Variants in SPECC1L observed in about 807,000 individuals in gnomAD.
SPECC1L encodes the protein sperm antigen with calponin homology and coiled-coil domains 1 like, also known as cytospin-A.
A neutral mutation model predicts 116.8 loss-of-function variants in SPECC1L; 40 were observed. The observed-to-expected ratio is 0.34, with a 90% CI of 0.27 to 0.45. SPECC1L has a LOEUF of 0.45. Among genes scored for constraint, SPECC1L ranks in the 20% least tolerant of loss-of-function variants. The pLI is 1.00. For missense variants in SPECC1L, 1,110 were observed against 1,373.6 expected (o/e 0.81, Z 3.03); for synonymous variants, 504 against 500.6 (o/e 1.01, Z -0.09).
At chr22:24,302,987 CTTA>C (rs2049411988) in intron 3 of SPECC1L, among the ~76,000 whole-genome samples, 1 of 151,962 alleles carries the variant, frequency 6.6e-6, no homozygotes, top group Non-Finnish European at 1.5e-5. Context: ...AGATATTATT[CTTA>C]TTATTACTAT....
chr22:24,318,268 C>T (rs549025478), intron 4 of SPECC1L, among the ~76,000 whole-genome samples: 208 of 152,356 alleles, frequency 1.4e-3, no homozygotes, highest in Middle Eastern at 0.01. Flanking sequence ...TCTGCAATCC[C>T]GGCACCTCGG....
At chr22:24,276,209 T>C (rs1478289071) in intron 1 of SPECC1L, among the ~76,000 whole-genome samples, 1 of 152,158 alleles carries the variant, frequency 6.6e-6, no homozygotes, top group Non-Finnish European at 1.5e-5. Context: ...GGACCCTGTC[T>C]GTACAGATAA....
chr22:24,296,534 T>A (rs1264523837), intron 2 of SPECC1L, among the ~76,000 whole-genome samples: 114 of 152,088 alleles, frequency 7.5e-4, no homozygotes, highest in African/African-American at 2.7e-3. Flanking sequence ...GAGGTCTCAG[T>A]GATGTGTGCT....
intron 3 of SPECC1L, among the ~76,000 whole-genome samples, chr22:24,307,349 G>A (rs978490465): frequency 6.6e-6 from 1 of 152,120 alleles, no homozygotes; most frequent in African/African-American, 2.4e-5. Context: ...GGGTGTGAGA[G>A]GGTACAGTGT....
rs1326035467 is a variant in SPECC1L, at chr22:24,334,044, G to A, written c.2397-366G>A. On this transcript the variant is annotated intron_variant, in intron 8 of 16. Coordinates refer to ENST00000314328, the MANE Select transcript of SPECC1L (RefSeq NM_015330.6). ...TTTTTTTTTTTTGAGATGGAGTCTC[G>A]CTCTTTTGCCCAGGCCGGACTGCAG... 7.9e-5 allele frequency among the ~76,000 whole-genome samples: 11 copies of A among 139,780 alleles called. 1 individual carries two copies. In the South Asian group the frequency reaches 1.3e-3, roughly 17 times the overall value. The allele number at this position is 139,780 out of a possible 152,430, so 91.7% of individuals were successfully genotyped here.
chr22:24,330,781 C>G (rs1193145839), intron 8 of SPECC1L, among the ~76,000 whole-genome samples: 2 of 152,160 alleles, frequency 1.3e-5, no homozygotes, highest in Non-Finnish European at 2.9e-5. Flanking sequence ...ATATTCTTGG[C>G]TCGTGTCCAG....
intron 8 of SPECC1L, among the ~76,000 whole-genome samples, chr22:24,331,923 G>C (rs1292017828): frequency 2.6e-5 from 4 of 152,028 alleles, no homozygotes; most frequent in Non-Finnish European, 5.9e-5. Flanking sequence ...ACACTCTTTA[G>C]CATTTTGTGT....
chr22:24,280,866 C>A (rs1185309369), intron 2 of SPECC1L, among the ~76,000 whole-genome samples: 16 of 152,202 alleles, frequency 1.1e-4, no homozygotes, highest in Non-Finnish European at 7.3e-5. Flanking sequence ...GGATTACAGG[C>A]ATGAGCCAGT....
At chr22:24,310,404 A>G (rs1187930249) in intron 3 of SPECC1L, among the ~76,000 whole-genome samples, 4 of 152,240 alleles carry the variant, frequency 2.6e-5, no homozygotes, top group Non-Finnish European at 4.4e-5. Context: ...AGAGAAGGTA[A>G]ATACATGTGT....
chr22:24,372,244 T>G (rs932877162), intron 14 of SPECC1L, among the ~76,000 whole-genome samples: 2 of 152,150 alleles, frequency 1.3e-5, no homozygotes, highest in Admixed American at 1.3e-4. Context: ...ATTATTCCAA[T>G]CAATAGAAAA....
chr22:24,403,674 A>G (rs2042526377), intron 14 of SPECC1L, among the ~76,000 whole-genome samples: 1 of 152,238 alleles, frequency 6.6e-6, no homozygotes, highest in Non-Finnish European at 1.5e-5. Flanking sequence ...AACCCCTGGA[A>G]GATAAGGACT....
intron 14 of SPECC1L, among the ~76,000 whole-genome samples, chr22:24,379,334 T>C (rs903219924): frequency 1.3e-5 from 2 of 151,786 alleles, no homozygotes; most frequent in African/African-American, 4.8e-5. Flanking sequence ...GAGCCATTAT[T>C]GTACCACTGC....
chr22:24,296,924 T>C (rs2049276454), intron 2 of SPECC1L, among the ~76,000 whole-genome samples: 1 of 152,040 alleles, frequency 6.6e-6, no homozygotes, highest in South Asian at 2.1e-4. Flanking sequence ...ACTTTTCCTA[T>C]GATCTGCACA....
chr22:24,352,729 C>G (rs1019703365), intron 11 of SPECC1L, among the ~76,000 whole-genome samples: 17 of 152,180 alleles, frequency 1.1e-4, no homozygotes, highest in Non-Finnish European at 2.2e-4. Context: ...TCCTACCCTC[C>G]TGCACTTTAC....
At chr22:24,283,690 A>G (rs1181400054) in intron 2 of SPECC1L, among the ~76,000 whole-genome samples, 1 of 152,208 alleles carries the variant, frequency 6.6e-6, no homozygotes, top group African/African-American at 2.4e-5. Context: ...GAGTGAATGC[A>G]TCTACGCCTG....
chr22:24,294,097 A>T (rs1277980310), intron 2 of SPECC1L, among the ~76,000 whole-genome samples: 1 of 49,530 alleles, frequency 2.0e-5, no homozygotes, highest in South Asian at 6.8e-4. Context: ...CCTCATTTTG[A>T]CATTTCTGTA....
chr22:24,380,457 G>A (rs920613614), intron 14 of SPECC1L, among the ~76,000 whole-genome samples: 5 of 152,152 alleles, frequency 3.3e-5, no homozygotes, highest in African/African-American at 7.2e-5. Context: ...TTAATGCTTG[G>A]AACGTGCGTG....
chr22:24,317,422 G>A lies in SPECC1L; in HGVS notation c.308-3866G>A, dbSNP rs868591375. Among the ~76,000 whole-genome samples, 18 of 120,388 alleles carry A rather than the reference G, an allele frequency of 1.5e-4. 3 individuals are homozygous for A. Among genetic ancestry groups the A allele is most frequent in the South Asian group, 5.2e-4 (2 of 3,834 alleles). The allele number at this position is 120,388 out of a possible 152,430, so 79.0% of individuals were successfully genotyped here. A position where few individuals can be genotyped will look rare whatever the true frequency, so the allele number is the denominator to read the frequency against. On this transcript the variant is annotated intron_variant, in intron 4 of 16. Transcript: ENST00000314328. ...GCGCCCCTCACCTCCCAGATGGGGC[G>A]CTGGCCGGGCGGGGGGCTGACCCCC...
chr22:24,368,728 C>T (rs1244083888), intron 13 of SPECC1L, among the ~76,000 whole-genome samples: 2 of 152,166 alleles, frequency 1.3e-5, no homozygotes, highest in African/African-American at 4.8e-5. Context: ...CTCACTGCAA[C>T]CTCCATCTCT....
Sources: allele counts gnomAD v4.1 joint callset (sites outside exome capture counted in the v4.1 genomes callset), GRCh38; gene constraint gnomAD v4.1.1; transcripts MANE v1.5; gene names NCBI Gene and HGNC (gene_info 2026-07-23, HGNC 2026-07-21).